Variants in NLGN1 observed in about 807,000 individuals in gnomAD.
NLGN1 encodes neuroligin-1.
In NLGN1, 12 loss-of-function variants were observed where a neutral mutation model predicts 65.5. The ratio of observed to expected loss-of-function variants is 0.18; its 90% confidence interval spans 0.12 to 0.30. NLGN1 has a LOEUF of 0.30. Ranked by LOEUF, NLGN1 falls within the 10% of genes least tolerant of loss-of-function variation. The pLI is 1.00. For missense variants in NLGN1, 750 were observed against 1,007.1 expected (o/e 0.74, Z 3.46); for synonymous variants, 350 against 359.5 (o/e 0.97, Z 0.30).
chr3:173,600,361 G>A (rs1195744288), intron 2 of NLGN1, among the ~76,000 whole-genome samples: 2 of 151,908 alleles, frequency 1.3e-5, no homozygotes, highest in Admixed American at 1.3e-4. Context: ...ATCAAGCCAG[G>A]GAGCTCTAAT....
intron 2 of NLGN1, among the ~76,000 whole-genome samples, chr3:173,572,883 C>T (rs1353843973): frequency 6.6e-6 from 1 of 152,150 alleles, no homozygotes; most frequent in Non-Finnish European, 1.5e-5. Flanking sequence ...CTGTATCTCA[C>T]TACAAGGAGA....
chr3:173,603,809 C>T (rs754188353), intron 2 of NLGN1, among the ~76,000 whole-genome samples: 18 of 151,828 alleles, frequency 1.2e-4, no homozygotes, highest in Admixed American at 2.6e-4. Flanking sequence ...GATTGGGAGC[C>T]ACCTTTTTGT....
chr3:173,954,987 A>G (rs1711624519), intron 4 of NLGN1, among the ~76,000 whole-genome samples: 2 of 152,126 alleles, frequency 1.3e-5, no homozygotes, highest in Admixed American at 1.3e-4. Context: ...AGGTAGTAAA[A>G]GTTTTTGGCT....
intron 4 of NLGN1, among the ~76,000 whole-genome samples, chr3:174,241,234 T>A (rs920961118): frequency 4.6e-5 from 7 of 152,192 alleles, no homozygotes; most frequent in Admixed American, 4.6e-4. Context: ...TTAAAATTCT[T>A]ATTCATAACC....
chr3:173,626,050 T>C (rs1407736026), intron 3 of NLGN1, among the ~76,000 whole-genome samples: 6 of 152,090 alleles, frequency 3.9e-5, no homozygotes, highest in South Asian at 2.1e-4. Context: ...TTATAACCTG[T>C]ATATTAGTGC....
At chr3:173,773,065 A>G (rs572302424) in intron 3 of NLGN1, among the ~76,000 whole-genome samples, 3 of 152,232 alleles carry the variant, frequency 2.0e-5, no homozygotes, top group South Asian at 2.1e-4. Context: ...TTGGTTCTCT[A>G]TCAATCAGTG....
intron 2 of NLGN1, among the ~76,000 whole-genome samples, chr3:173,534,977 C>G (rs1295367116): frequency 6.6e-6 from 1 of 152,126 alleles, no homozygotes; most frequent in East Asian, 1.9e-4. Flanking sequence ...TTTGCAAACA[C>G]TGAAGGGAAC....
rs140045372 is a variant in NLGN1, at chr3:174,110,183, T to G, written c.647-165132T>G. On this transcript the variant is annotated intron_variant, in intron 4 of 6. Coordinates refer to ENST00000457714, the Ensembl canonical transcript of NLGN1. ...GTTCACTTGGGTGGCTTCTCCTCAG[T>G]GAACATTTCCCTGATTTGTAGTTAA... is the stretch of plus-strand genomic sequence containing the variant. Among the ~76,000 whole-genome samples, 649 of 152,154 alleles carry G rather than the reference T, an allele frequency of 4.3e-3. 6 individuals carry two copies. The highest frequency in any genetic ancestry group is 7.2e-3 in the Non-Finnish European group (486 of 67,928).
At chr3:173,644,592 C>T (rs1236167899) in intron 3 of NLGN1, 1 of 161,854 alleles carries the variant, frequency 6.2e-6, no homozygotes, top group Non-Finnish European at 1.4e-5. Context: ...ATGCTGTGCC[C>T]TGGTTCTGCG....
At chr3:173,851,187 G>A (rs1402682042) in intron 4 of NLGN1, among the ~76,000 whole-genome samples, 6 of 152,090 alleles carry the variant, frequency 3.9e-5, no homozygotes, top group Admixed American at 3.9e-4. Flanking sequence ...TGCACAAGCT[G>A]ATTTTTCTGA....
intron 2 of NLGN1, among the ~76,000 whole-genome samples, chr3:173,491,534 A>G (rs1241519989): frequency 6.6e-6 from 1 of 151,814 alleles, no homozygotes; most frequent in Non-Finnish European, 1.5e-5. Context: ...AATGGTCATC[A>G]AGGATATTGG....
chr3:173,669,448 A>C (rs759654703), intron 3 of NLGN1, among the ~76,000 whole-genome samples: 1 of 152,132 alleles, frequency 6.6e-6, no homozygotes, highest in Non-Finnish European at 1.5e-5. Flanking sequence ...GTAGATCCTT[A>C]GTTTGTGGCA....
chr3:173,624,307 A>T (rs1456285881), intron 3 of NLGN1, among the ~76,000 whole-genome samples: 2 of 152,164 alleles, frequency 1.3e-5, no homozygotes, highest in Non-Finnish European at 2.9e-5. Context: ...CTTTCTGCCT[A>T]CTTCACTGAC....
At chr3:173,652,945 T>C (rs1759439931) in intron 3 of NLGN1, among the ~76,000 whole-genome samples, 1 of 152,152 alleles carries the variant, frequency 6.6e-6, no homozygotes. Context: ...TAGCTTCCCT[T>C]GTAGAGATCT....
intron 3 of NLGN1, among the ~76,000 whole-genome samples, chr3:173,678,395 A>T (rs761649422): frequency 3.1e-4 from 47 of 152,212 alleles, no homozygotes; most frequent in Non-Finnish European, 5.3e-4. Flanking sequence ...TGGATGTACA[A>T]AAAAGGGAGA....
At chr3:173,558,935 T>C (rs1444581572) in intron 2 of NLGN1, among the ~76,000 whole-genome samples, 1 of 152,202 alleles carries the variant, frequency 6.6e-6, no homozygotes, top group Non-Finnish European at 1.5e-5. Flanking sequence ...TAAGCTCTTT[T>C]CTCTTCCTGG....
intron 3 of NLGN1, among the ~76,000 whole-genome samples, chr3:173,748,599 C>G (rs1349695540): frequency 6.6e-6 from 1 of 152,100 alleles, no homozygotes; most frequent in Admixed American, 6.6e-5. Flanking sequence ...GCCTAATTTA[C>G]ATGTTATCAC....
chr3:173,498,420 A>G (rs1730405218), intron 2 of NLGN1, among the ~76,000 whole-genome samples: 1 of 151,822 alleles, frequency 6.6e-6, no homozygotes, highest in Non-Finnish European at 1.5e-5. Context: ...TCCATGGTGT[A>G]TATGTGCCAC....
At position 173,598,061 on chromosome 3, in the gene NLGN1, G is replaced by A. The variant is rs979363757; in HGVS notation, c.-320-6218G>A. Among the ~76,000 whole-genome samples the A allele has an allele frequency of 3.3e-5, 5 of 151,986 alleles. No homozygotes were observed. In the East Asian group the frequency reaches 9.6e-4, roughly 29 times the overall value. On this transcript the variant is annotated intron_variant, in intron 2 of 6. Transcript: ENST00000457714. ...TTTTTACAGTTCTTTATTTATTATT[G>A]TATTTCTAGTACTCCCTTTCGTTGA...
Sources: allele counts gnomAD v4.1 joint callset (sites outside exome capture counted in the v4.1 genomes callset), GRCh38; gene constraint gnomAD v4.1.1; transcripts MANE v1.5; gene names NCBI Gene and HGNC (gene_info 2026-07-23, HGNC 2026-07-21).